Variants in SEPTIN9 observed in about 807,000 individuals in gnomAD.
SEPTIN9 encodes septin-9.
Under a neutral mutation model 56.6 loss-of-function variants are expected in SEPTIN9, and 13 were observed. That is an observed-to-expected ratio of 0.23 (90% CI 0.15 to 0.37). The LOEUF is 0.37. SEPTIN9 is among the 10% of genes least tolerant of loss of function. The pLI is 1.00. For synonymous variants in SEPTIN9, 332 were observed against 334.1 expected, an observed-to-expected ratio of 0.99 and a Z score of 0.07; for missense variants, 650 against 823.1, an observed-to-expected ratio of 0.79 and a Z score of 2.57.
intron 3 of SEPTIN9, among the ~76,000 whole-genome samples, chr17:77,454,993 A>T (rs1164742240): frequency 6.7e-6 from 1 of 150,078 alleles, no homozygotes; most frequent in Non-Finnish European, 1.5e-5. Flanking sequence ...GGCAGAGGTG[A>T]TGGCCCATCT....
chr17:77,468,909 C>T (rs772323702), intron 3 of SEPTIN9, among the ~76,000 whole-genome samples: 13 of 152,160 alleles, frequency 8.5e-5, no homozygotes, highest in Non-Finnish European at 1.6e-4. Flanking sequence ...AGGCCCGGCC[C>T]CTGGAGATCT....
rs1182505118 is a variant in SEPTIN9, at chr17:77,373,567, G to A, written c.77-28492G>A. ...GGACTTCGAAGGTGGGTGCTGGGCT[G>A]GCTGCTGCGGCCGCGGACGTGCTGG... On this transcript the variant is annotated intron_variant, in intron 2 of 11. Transcript: ENST00000427177. 1.9e-6 allele frequency: 3 copies of A among 1,544,282 alleles called. No homozygotes were observed. The Admixed American group carries it at 5.9e-5, about 30-fold the overall frequency.
At chr17:77,331,347 G>A (rs2033345307) in intron 2 of SEPTIN9, among the ~76,000 whole-genome samples, 1 of 152,098 alleles carries the variant, frequency 6.6e-6, no homozygotes, top group Non-Finnish European at 1.5e-5. Context: ...TGGGGCTTAT[G>A]CTCCTCCTGG....
At chr17:77,357,472 C>T (rs1423618835) in intron 2 of SEPTIN9, among the ~76,000 whole-genome samples, 1 of 152,214 alleles carries the variant, frequency 6.6e-6, no homozygotes, top group Non-Finnish European at 1.5e-5. Flanking sequence ...CCTGCTTTAT[C>T]ACCTCACCGT....
At position 77,307,188 on chromosome 17, in the gene SEPTIN9, A is replaced by G; in HGVS notation, c.67A>G (p.Ser23Gly). 6.2e-7 allele frequency: 1 copy of G among 1,613,772 alleles called. No individual in the cohort carries two copies. Residue 23 changes from serine (S) to glycine (G), a missense_variant, in exon 2 of 12, where the codon AGT (serine) becomes GGT (glycine). Coordinates refer to ENST00000427177, the MANE Select transcript of SEPTIN9 (RefSeq NM_001113491.2). ...CCGGCTCCGGAGGCTTGGTGACTCCAGTGGCCCAGGTAGGTGGCTCGCTCC... is the reference window on the plus strand; with the variant it reads ...CCGGCTCCGGAGGCTTGGTGACTCCGGTGGCCCAGGTAGGTGGCTCGCTCC... ...SGRLRRLGDS[S>G]GPALKRSFEV...
chr17:77,287,029 G>A (rs951487183), intron 1 of SEPTIN9, among the ~76,000 whole-genome samples: 1 of 152,236 alleles, frequency 6.6e-6, no homozygotes, highest in Non-Finnish European at 1.5e-5. Flanking sequence ...TGAAGCCCTC[G>A]GGGCTTGTAC....
rs1460978224 is a variant in SEPTIN9, at chr17:77,492,955, C to T, written c.1477-25C>T. Reference sequence around the variant, plus strand: ...GAATTGCCTTCCCGCACATGTGTAACCAATACCGTCTGCCCGTTCCCCAGG... The same window carrying T: ...GAATTGCCTTCCCGCACATGTGTAATCAATACCGTCTGCCCGTTCCCCAGG... On this transcript the variant is annotated intron_variant, in intron 9 of 11. Transcript: ENST00000427177. The surrounding 1 kb of genome is among the most constrained non-coding windows in gnomAD (Gnocchi z 5.4). 2.6e-6 allele frequency: 4 copies of T among 1,551,132 alleles called. No homozygotes were observed. In the African/African-American group the frequency reaches 5.5e-5, roughly 21 times the overall value.
chr17:77,422,533 A>G (rs936408473), intron 3 of SEPTIN9, among the ~76,000 whole-genome samples: 1 of 152,040 alleles, frequency 6.6e-6, no homozygotes, highest in Non-Finnish European at 1.5e-5. Context: ...AGCTGGGGTA[A>G]GAGCGGGCTG....
rs892055054 is a variant in SEPTIN9, at chr17:77,313,382, G to C, written c.76+6185G>C. On this transcript the variant is annotated intron_variant, in intron 2 of 11. Coordinates refer to ENST00000427177, the MANE Select transcript of SEPTIN9 (RefSeq NM_001113491.2). The surrounding 1 kb of genome is among the most constrained non-coding windows in gnomAD (Gnocchi z 4.5). ...ACCTGGAAGGACTCCTAAAGCAACA[G>C]GCCTGCCCAGGCGGTTTGCACCAGT... Among the ~76,000 whole-genome samples the C allele has an allele frequency of 3.9e-5, 6 of 152,278 alleles. No homozygotes were observed. The highest frequency in any genetic ancestry group is 7.2e-5 in the African/African-American group (3 of 41,482).
At position 77,282,467 on chromosome 17, in the gene SEPTIN9, C is replaced by T. The variant is rs535810891; in HGVS notation, c.19+913C>T. On this transcript the variant is annotated intron_variant, in intron 1 of 11. Transcript: ENST00000427177. The stretch of plus-strand genomic sequence containing the variant: ...GATAGAAAGGTACCTGCCAAGGATC[C>T]ATGAATTAATTTTTATTGATAGGAG... 2.0e-5 allele frequency among the ~76,000 whole-genome samples: 3 copies of T among 152,250 alleles called. No individual in the cohort carries two copies. The South Asian group carries it at 6.2e-4, about 32-fold the overall frequency.
At chr17:77,394,145 A>C (rs556342429) in intron 2 of SEPTIN9, among the ~76,000 whole-genome samples, 1 of 152,210 alleles carries the variant, frequency 6.6e-6, no homozygotes, top group East Asian at 1.9e-4. Context: ...AGCCTTTGCA[A>C]CTGGACCCCA....
chr17:77,475,910 G>A lies in SEPTIN9; in HGVS notation c.722-6234G>A. The A allele has an allele frequency of 6.2e-7, 1 of 1,606,522 alleles. No homozygotes were observed. Among genetic ancestry groups the A allele is most frequent in the Non-Finnish European group, 8.5e-7 (1 of 1,174,828 alleles). On this transcript the variant is annotated intron_variant, in intron 3 of 11. Transcript: ENST00000427177. The surrounding 1 kb of genome is among the most constrained non-coding windows in gnomAD (Gnocchi z 4.6). ...ATTGGCAGTGACAGACAAGGTGTGT[G>A]GGGATGTGGCCATTTCGGTCCGTGC... is the stretch of plus-strand genomic sequence containing the variant.
chr17:77,494,286 C>T (rs1043897037), intron 10 of SEPTIN9, among the ~76,000 whole-genome samples: 8 of 152,248 alleles, frequency 5.3e-5, no homozygotes, highest in South Asian at 2.1e-4. Context: ...CCACTCCTGG[C>T]GGTGACACCC....
At position 77,466,738 on chromosome 17, in the gene SEPTIN9, G is replaced by A. The variant is rs2038752091; in HGVS notation, c.722-15406G>A. On this transcript the variant is annotated intron_variant, in intron 3 of 11. Coordinates refer to ENST00000427177, the MANE Select transcript of SEPTIN9 (RefSeq NM_001113491.2). ...TTCATAAGAACACGCTATTACTGCAGTTTTATTACTTTGCTCTGATTTCAG... is the reference window on the plus strand; with the variant it reads ...TTCATAAGAACACGCTATTACTGCAATTTTATTACTTTGCTCTGATTTCAG... Among the ~76,000 whole-genome samples the A allele has an allele frequency of 2.0e-5, 3 of 152,214 alleles. No individual in the cohort carries two copies. In the South Asian group the frequency reaches 6.2e-4, roughly 32 times the overall value.
chr17:77,341,853 C>T lies in SEPTIN9; in HGVS notation c.76+34656C>T, dbSNP rs547207533. ...ATCCCAGCACTTTGGGAGGCCGAGG[C>T]GGGCAGATCATGAGGTCAGGGGATT... On this transcript the variant is annotated intron_variant, in intron 2 of 11. Transcript: ENST00000427177. Among the ~76,000 whole-genome samples, 6 of 150,090 alleles carry T rather than the reference C, an allele frequency of 4.0e-5. No homozygotes were observed. In the East Asian group the frequency reaches 7.9e-4, roughly 20 times the overall value.
intron 4 of SEPTIN9, among the ~76,000 whole-genome samples, chr17:77,484,832 ATGG>A (rs1217549763): frequency 1.4e-4 from 4 of 29,228 alleles, no homozygotes; most frequent in Admixed American, 2.8e-4. Context: ...GGTGGTGGCG[ATGG>A]TGGTTGTGAT....
chr17:77,343,453 G>C (rs181031633), intron 2 of SEPTIN9, among the ~76,000 whole-genome samples: 1 of 152,312 alleles, frequency 6.6e-6, no homozygotes, highest in Admixed American at 6.5e-5. Context: ...ATCTCTTCCA[G>C]TTGGCTGTTC....
At chr17:77,379,251 G>A (rs896596376) in intron 2 of SEPTIN9, among the ~76,000 whole-genome samples, 7 of 152,012 alleles carry the variant, frequency 4.6e-5, no homozygotes, top group Admixed American at 4.6e-4. Flanking sequence ...GTCAGGAGGT[G>A]GAGGGGGGAC....
chr17:77,393,008 C>G (rs1402383210), intron 2 of SEPTIN9, among the ~76,000 whole-genome samples: 1 of 152,186 alleles, frequency 6.6e-6, no homozygotes, highest in African/African-American at 2.4e-5. Flanking sequence ...CCTGCTCCAC[C>G]TGCCCCAGGA....
Sources: gnomAD v4.1 joint callset for allele counts (sites outside exome capture counted in the v4.1 genomes callset) on GRCh38, gnomAD v4.1.1 for gene constraint, Gnocchi (gnomAD v3.1) non-coding constraint, MANE v1.5 for transcripts, NCBI Gene and HGNC (gene_info 2026-07-23, HGNC 2026-07-21) for gene names.